MTUS2: variants seen among roughly 807,000 people sequenced by gnomAD.
MTUS2 encodes the protein microtubule-associated tumor suppressor candidate 2.
MTUS2 carries 40 observed loss-of-function variants against 114.1 expected under a neutral mutation model. That is an observed-to-expected ratio of 0.35 (90% confidence interval 0.27 to 0.46). The LOEUF (loss-of-function observed/expected upper bound fraction) is 0.46. Among genes scored for constraint, MTUS2 ranks in the 20% least tolerant of loss-of-function variants. The probability of loss-of-function intolerance (pLI) is 1.00; values close to 1 mark genes in which losing one functional copy is unlikely to be tolerated. For missense variants in MTUS2, 1,679 were observed against 1,705.4 expected (o/e 0.98, Z 0.27); for synonymous variants, 688 against 672.0 (o/e 1.02, Z -0.37).
rs149962267 is a variant in MTUS2 at position 29,418,666 on chromosome 13, G to A, written c.3118-21317G>A. Among the ~76,000 whole-genome samples, 639 of 152,252 alleles carry A rather than the reference G, an allele frequency of 4.2e-3. 6 individuals are homozygous for A. The highest frequency in any genetic ancestry group is 0.015 in the African/African-American group (609 of 41,548). ...GCTTCCCTAGGGTTCAGATACCCCC[G>A]CTGCATTTAGGTTTCCCAGTCCAGT... On this transcript the variant is annotated intron_variant, in intron 8 of 15. Coordinates refer to ENST00000612955, the MANE Select transcript of MTUS2 (RefSeq NM_001033602.4).
At chr13:29,441,449 T>C (rs913814601) in intron 9 of MTUS2, among the ~76,000 whole-genome samples, 1 of 152,178 alleles carries the variant, frequency 6.6e-6, no homozygotes, top group Non-Finnish European at 1.5e-5. Flanking sequence ...ATTTGTTGGG[T>C]ATCACCCCAA....
chr13:28,985,254 T>TTGAATC (rs1386495791), intron 2 of MTUS2, among the ~76,000 whole-genome samples: 3 of 152,248 alleles, frequency 2.0e-5, no homozygotes, highest in African/African-American at 7.2e-5. Flanking sequence ...AGACATATCT[T>TTGAATC]TGAATCTGGC....
At chr13:29,166,591 A>G (rs1028317131) in intron 5 of MTUS2, among the ~76,000 whole-genome samples, 1 of 152,244 alleles carries the variant, frequency 6.6e-6, no homozygotes, top group South Asian at 2.1e-4. Context: ...TTTAGAACAT[A>G]CTTAAATGGA....
At chr13:29,345,314 T>A (rs1047580619) in intron 7 of MTUS2, among the ~76,000 whole-genome samples, 12 of 152,028 alleles carry the variant, frequency 7.9e-5, no homozygotes, top group African/African-American at 2.7e-4. Context: ...TTTGGTCATT[T>A]AACATAATCC....
chr13:29,169,673 C>T (rs1893470570), intron 5 of MTUS2, among the ~76,000 whole-genome samples: 1 of 152,194 alleles, frequency 6.6e-6, no homozygotes, highest in Non-Finnish European at 1.5e-5. Context: ...CTCCTCTTAT[C>T]TATCACTTTG....
At chr13:29,371,727 C>T (rs370109111) in intron 8 of MTUS2, among the ~76,000 whole-genome samples, 1 of 152,014 alleles carries the variant, frequency 6.6e-6, no homozygotes, top group African/African-American at 2.4e-5. Flanking sequence ...AAAACACCTC[C>T]TTTGATCTTC....
chr13:29,305,067 CAAG>C (rs1899382716), intron 6 of MTUS2, among the ~76,000 whole-genome samples: 1 of 152,056 alleles, frequency 6.6e-6, no homozygotes, highest in South Asian at 2.1e-4. Context: ...AGGCAGAAAT[CAAG>C]AAGTTCTTTG....
intron 5 of MTUS2, among the ~76,000 whole-genome samples, chr13:29,191,770 C>T (rs939158377): frequency 1.3e-5 from 2 of 152,146 alleles, no homozygotes; most frequent in Non-Finnish European, 2.9e-5. Flanking sequence ...AGGCATATTT[C>T]CCCTGAGTGT....
At position 29,505,535 on chromosome 13, in the gene MTUS2, A is replaced by T. The variant is rs2139043075; in HGVS notation, c.*2329A>T. ...TGAGCCATCACCGCTCCCGAAACAC[A>T]TGGGGCGGCAGCTGCTGTGCCTCCT... On this transcript the variant is annotated 3_prime_UTR_variant, in exon 16 of 16. Transcript: ENST00000612955. 4.4e-6 allele frequency: 1 copy of T among 229,560 alleles called. No homozygotes were observed. The highest frequency in any genetic ancestry group is 8.6e-6 in the Non-Finnish European group (1 of 116,120). 14.2% of individuals were successfully genotyped at this position (229,560 alleles called of 1,614,324 possible).
At chr13:28,951,917 CT>C (rs1219073020) in intron 2 of MTUS2, among the ~76,000 whole-genome samples, 1 of 152,150 alleles carries the variant, frequency 6.6e-6, no homozygotes, top group Non-Finnish European at 1.5e-5. Flanking sequence ...GGTGACAGAG[CT>C]TCTGGTACTG....
intron 9 of MTUS2, among the ~76,000 whole-genome samples, chr13:29,452,166 T>G (rs191132672): frequency 5.3e-5 from 8 of 152,310 alleles, no homozygotes; most frequent in Admixed American, 4.6e-4. Flanking sequence ...CTCCCTTAAA[T>G]GTACCAGAGA....
chr13:29,072,590 T>C (rs1888993509), intron 4 of MTUS2, among the ~76,000 whole-genome samples: 1 of 152,248 alleles, frequency 6.6e-6, no homozygotes, highest in African/African-American at 2.4e-5. Context: ...GAATACCTGC[T>C]TTAATTTTAC....
intron 6 of MTUS2, among the ~76,000 whole-genome samples, chr13:29,320,372 C>A (rs913890313): frequency 6.6e-6 from 1 of 152,212 alleles, no homozygotes; most frequent in South Asian, 2.1e-4. Context: ...AGACTTCTGA[C>A]CTCCAGAACT....
At chr13:29,376,861 C>T (rs112540029) in intron 8 of MTUS2, among the ~76,000 whole-genome samples, 1,665 of 152,140 alleles carry the variant, frequency 0.011, 27 homozygotes, top group African/African-American at 0.038. Context: ...GCATGATCTA[C>T]CTATATGTTG....
chr13:29,180,218 G>A (rs1893939444), intron 5 of MTUS2, among the ~76,000 whole-genome samples: 1 of 152,170 alleles, frequency 6.6e-6, no homozygotes, highest in Non-Finnish European at 1.5e-5. Context: ...ACTTTGTCAT[G>A]GCTGATTGAT....
intron 5 of MTUS2, among the ~76,000 whole-genome samples, chr13:29,115,737 C>T (rs1036951723): frequency 2.6e-5 from 4 of 152,156 alleles, no homozygotes; most frequent in Non-Finnish European, 4.4e-5. Flanking sequence ...TAGCCAGGAC[C>T]ACTGGGCCCT....
At chr13:29,319,943 A>G (rs1593298348) in intron 6 of MTUS2, among the ~76,000 whole-genome samples, 1 of 152,216 alleles carries the variant, frequency 6.6e-6, no homozygotes, top group South Asian at 2.1e-4. Context: ...TTTGGTGAGT[A>G]AAAAGAGTTT....
At chr13:29,234,311 C>T (rs772395900) in intron 5 of MTUS2, among the ~76,000 whole-genome samples, 3 of 152,004 alleles carry the variant, frequency 2.0e-5, no homozygotes, top group Admixed American at 6.6e-5. Context: ...AGGATTCCAC[C>T]GAAGACTCCT....
At chr13:29,146,817 A>G (rs1463276311) in intron 5 of MTUS2, among the ~76,000 whole-genome samples, 1 of 152,190 alleles carries the variant, frequency 6.6e-6, no homozygotes, top group Non-Finnish European at 1.5e-5. Context: ...GGGAAGCACA[A>G]TATGTTGCAG....
Sources: gnomAD v4.1 joint callset for allele counts (sites outside exome capture counted in the v4.1 genomes callset) on GRCh38, gnomAD v4.1.1 for gene constraint, MANE v1.5 for transcripts, NCBI Gene and HGNC (gene_info 2026-07-23, HGNC 2026-07-21) for gene names.